ZNF605: variants seen among roughly 807,000 people sequenced by gnomAD.
ZNF605 encodes zinc finger protein 605.
In ZNF605, 9 loss-of-function variants were observed where a neutral mutation model predicts 7.9. The ratio of observed to expected loss-of-function variants is 1.14; its 90% CI spans 0.68 to 1.98. The LOEUF (loss-of-function observed/expected upper bound fraction) is 1.98, where lower values mean the gene tolerates loss of function less well. Ranked by LOEUF, ZNF605 falls within the 30% of genes most tolerant of loss-of-function variation. The pLI is 0.00. For synonymous variants in ZNF605, 255 were observed against 260.1 expected (o/e 0.98, Z 0.19); for missense variants, 673 against 762.4 (o/e 0.88, Z 1.38).
At chr12:132,937,997 T>G (rs1402081499) in intron 3 of ZNF605, among the ~76,000 whole-genome samples, 1 of 152,224 alleles carries the variant, frequency 6.6e-6, no homozygotes, top group Non-Finnish European at 1.5e-5. Context: ...TATTATTTAT[T>G]TGAGAGGGAG....
At chr12:132,938,605 C>T (rs1192730867) in intron 3 of ZNF605, among the ~76,000 whole-genome samples, 1 of 152,188 alleles carries the variant, frequency 6.6e-6, no homozygotes, top group Non-Finnish European at 1.5e-5. Flanking sequence ...TCCTCAGAGC[C>T]CTCGCTTGTT....
At chr12:132,942,715 T>C (rs1952455847) in intron 3 of ZNF605, among the ~76,000 whole-genome samples, 1 of 152,202 alleles carries the variant, frequency 6.6e-6, no homozygotes, top group African/African-American at 2.4e-5. Flanking sequence ...TGGAAGACAT[T>C]CAGGTCACGT....
chr12:132,937,714 A>G (rs1443887284), intron 3 of ZNF605, among the ~76,000 whole-genome samples: 2 of 152,248 alleles, frequency 1.3e-5, no homozygotes, highest in Non-Finnish European at 2.9e-5. Context: ...AGTGAACTGA[A>G]AACTTACATT....
At chr12:132,950,558 C>T (rs1952547633) in intron 1 of ZNF605, among the ~76,000 whole-genome samples, 2 of 150,536 alleles carry the variant, frequency 1.3e-5, no homozygotes, top group South Asian at 2.1e-4. Flanking sequence ...CTAATACACC[C>T]GTACATCACA....
At chr12:132,938,311 ATTTTTTT>A (rs1177451772) in intron 3 of ZNF605, among the ~76,000 whole-genome samples, 2 of 149,442 alleles carry the variant, frequency 1.3e-5, no homozygotes, top group Admixed American at 6.7e-5. Flanking sequence ...TTTATTTTTT[ATTTTTTT>A]GAGACAGAAT....
intron 3 of ZNF605, among the ~76,000 whole-genome samples, chr12:132,939,457 A>G (rs1393399169): frequency 2.0e-5 from 3 of 152,102 alleles, no homozygotes; most frequent in South Asian, 4.2e-4. Flanking sequence ...GTTTTGCTCA[A>G]GGTTTGTGAA....
chr12:132,932,664 A>T (rs1231405510), intron 4 of ZNF605: 2 of 1,256,946 alleles, frequency 1.6e-6, no homozygotes, highest in Non-Finnish European at 2.2e-6. Context: ...GTCATCAAAA[A>T]CCTGAGATAA....
intron 3 of ZNF605, among the ~76,000 whole-genome samples, chr12:132,938,363 C>CG (rs1222552719): frequency 2.0e-5 from 3 of 151,968 alleles, no homozygotes; most frequent in Non-Finnish European, 4.4e-5. Context: ...TGAAGTGGCA[C>CG]GATCTCGACT....
chr12:132,931,216 G>A (rs999258588), intron 4 of ZNF605, among the ~76,000 whole-genome samples: 46 of 152,246 alleles, frequency 3.0e-4, no homozygotes, highest in African/African-American at 1.0e-3. Context: ...CCAGGGTAGA[G>A]GCTTAGATGG....
intron 1 of ZNF605, among the ~76,000 whole-genome samples, chr12:132,949,388 C>T (rs1282887416): frequency 1.3e-5 from 2 of 152,218 alleles, no homozygotes; most frequent in African/African-American, 2.4e-5. Flanking sequence ...TGCTTCTTAG[C>T]TGTAAGTGAT....
rs1483439172 is a variant in ZNF605 at position 132,919,451 on chromosome 12, G to A, written c.*5922C>T. On this transcript the variant is annotated 3_prime_UTR_variant, in exon 5 of 5. Transcript: ENST00000360187. Reference sequence around the variant, plus strand: ...CTCAGGCCAGAGTGAGTGCAGTGGCGCGATCTCAGCTCACTGCAAGCTCCG... The same window carrying A: ...CTCAGGCCAGAGTGAGTGCAGTGGCACGATCTCAGCTCACTGCAAGCTCCG... 3 of 148,204 alleles carry A rather than the reference G, an allele frequency of 2.0e-5. No homozygotes were observed. Among genetic ancestry groups the A allele is most frequent in the East Asian group, 2.0e-4 (1 of 5,018 alleles). The allele number at this position is 148,204 out of a possible 1,614,324, so 9.2% of individuals were successfully genotyped here.
chr12:132,925,062 T>C lies in ZNF605; in HGVS notation c.*311A>G. ...CAATAGAATTTTCTTCCTGTTTAGGTATTCTAAACATTTAATAAACTGACT... is the reference window on the plus strand; with the variant it reads ...CAATAGAATTTTCTTCCTGTTTAGGCATTCTAAACATTTAATAAACTGACT... On this transcript the variant is annotated 3_prime_UTR_variant, in exon 5 of 5. Coordinates refer to ENST00000360187, the MANE Select transcript of ZNF605 (RefSeq NM_183238.4). The C allele has an allele frequency of 4.1e-6, 1 of 241,378 alleles. No homozygotes were observed. Among genetic ancestry groups the C allele is most frequent in the East Asian group, 8.7e-5 (1 of 11,542 alleles). The allele number at this position is 241,378 out of a possible 1,614,324, so 15.0% of individuals were successfully genotyped here.
At chr12:132,944,254 G>A (rs1367471108) in intron 3 of ZNF605, among the ~76,000 whole-genome samples, 3 of 151,128 alleles carry the variant, frequency 2.0e-5, no homozygotes, top group Non-Finnish European at 4.4e-5. Context: ...GTCTTGCTCC[G>A]TCACCCAGGC....
At chr12:132,950,524 CAG>C (rs1952547112) in intron 1 of ZNF605, among the ~76,000 whole-genome samples, 1 of 151,460 alleles carries the variant, frequency 6.6e-6, no homozygotes, top group African/African-American at 2.4e-5. Flanking sequence ...TGCACACACA[CAG>C]ACGCACACAC....
chr12:132,946,334 T>C (rs1257719619), intron 2 of ZNF605, among the ~76,000 whole-genome samples: 1 of 152,066 alleles, frequency 6.6e-6, no homozygotes, highest in African/African-American at 2.4e-5. Flanking sequence ...GAGGAACTAA[T>C]GTAAGAGTAA....
At chr12:132,952,716 G>T (rs1168421052) in intron 1 of ZNF605, among the ~76,000 whole-genome samples, 5 of 150,766 alleles carry the variant, frequency 3.3e-5, no homozygotes, top group African/African-American at 5.0e-5. Context: ...ATTCTACAAG[G>T]AGAAGACCTT....
In ZNF605 at chr12:132,918,596, GAGAC is replaced by G. The variant is rs1170058926; in HGVS notation, c.*6773_*6776del. 2.6e-5 allele frequency: 4 copies of G among 152,072 alleles called. No individual in the cohort carries two copies. The highest frequency in any genetic ancestry group is 5.9e-5 in the Non-Finnish European group (4 of 68,062). The allele number at this position is 152,072 out of a possible 1,614,324, so 9.4% of individuals were successfully genotyped here. A position where few individuals can be genotyped will look rare whatever the true frequency, so the allele number is the denominator to read the frequency against. ...CCCCACCCTTGTTTTCTCTTTTTTT[GAGAC>G]GGAGTCTCACTCTGTTGCTCAGGCT... On this transcript the variant is annotated 3_prime_UTR_variant, in exon 5 of 5. Transcript: ENST00000360187.
At chr12:132,949,849 G>T (rs1406670965) in intron 1 of ZNF605, among the ~76,000 whole-genome samples, 1 of 152,204 alleles carries the variant, frequency 6.6e-6, no homozygotes, top group Non-Finnish European at 1.5e-5. Context: ...GAGGCATGGC[G>T]CAGGCTTCGC....
chr12:132,950,477 GCACA>G (rs1299535986), intron 1 of ZNF605, among the ~76,000 whole-genome samples: 1 of 150,266 alleles, frequency 6.7e-6, no homozygotes, highest in East Asian at 2.0e-4. Context: ...ACACAGACAT[GCACA>G]CACAGACGCA....
Sources: allele counts gnomAD v4.1 joint callset (sites outside exome capture counted in the v4.1 genomes callset), GRCh38; gene constraint gnomAD v4.1.1; transcripts MANE v1.5; gene names NCBI Gene and HGNC (gene_info 2026-07-23, HGNC 2026-07-21).